The following RNF220 variants were observed in gnomAD, a reference collection of about 807,000 sequenced individuals.
RNF220 encodes the protein E3 ubiquitin-protein ligase RNF220.
Under a neutral mutation model 67.1 loss-of-function variants are expected in RNF220, and 7 were observed. That is an observed-to-expected ratio of 0.10 (90% confidence interval 0.06 to 0.20). The LOEUF (loss-of-function observed/expected upper bound fraction) is 0.20. RNF220 is among the 10% of genes least tolerant of loss of function. The pLI is 1.00. For missense variants in RNF220, 565 were observed against 740.3 expected, an observed-to-expected ratio of 0.76 and a Z score of 2.75; for synonymous variants, 270 against 283.2, an observed-to-expected ratio of 0.95 and a Z score of 0.47.
At chr1:44,609,138 C>A (rs775405359) in intron 2 of RNF220, among the ~76,000 whole-genome samples, 2 of 152,124 alleles carry the variant, frequency 1.3e-5, no homozygotes, top group African/African-American at 2.4e-5. Flanking sequence ...AAATGGAAGT[C>A]TTTCCATTGC....
In RNF220 at chr1:44,417,572, G is replaced by A. The variant is rs1648683051; in HGVS notation, c.625+4850G>A. 1.3e-5 allele frequency among the ~76,000 whole-genome samples: 2 copies of A among 152,114 alleles called. No homozygotes were observed. Among genetic ancestry groups the A allele is most frequent in the Admixed American group, 1.3e-4 (2 of 15,278 alleles). Reference sequence around the variant, plus strand: ...CTGTGCGGCGGCTGCCTCCTCTTACGGCCGGAATGCCTAATCACCATGGTG... The same window carrying A: ...CTGTGCGGCGGCTGCCTCCTCTTACAGCCGGAATGCCTAATCACCATGGTG... On this transcript the variant is annotated intron_variant, in intron 2 of 14. Coordinates refer to ENST00000361799, the MANE Select transcript of RNF220 (RefSeq NM_018150.4). This position sits in a 1 kb window ranked among gnomAD's most constrained non-coding sequence, Gnocchi z 4.0.
At chr1:44,520,214 G>A (rs2148153348) in intron 2 of RNF220, among the ~76,000 whole-genome samples, 1 of 151,826 alleles carries the variant, frequency 6.6e-6, no homozygotes, top group East Asian at 2.0e-4. Context: ...TGTAATCCCA[G>A]CACTTGGGGA....
chr1:44,632,400 G>GCCCCA lies in RNF220; in HGVS notation c.949+19_949+20insACCCC. On this transcript the variant is annotated intron_variant, in intron 6 of 14. Transcript: ENST00000361799. ...CCGACTGAATGGTGAGTCCTGCCCG[G>GCCCCA]CCCCTCCCTCCGCCCCACCCCCGGC... The GCCCCA allele has an allele frequency of 6.2e-7, 1 of 1,607,448 alleles. No individual in the cohort carries two copies. Among genetic ancestry groups the GCCCCA allele is most frequent in the Non-Finnish European group, 8.5e-7 (1 of 1,177,490 alleles).
intron 2 of RNF220, among the ~76,000 whole-genome samples, chr1:44,523,241 T>C (rs1477297161): frequency 1.3e-5 from 2 of 152,176 alleles, no homozygotes; most frequent in Non-Finnish European, 2.9e-5. Context: ...CGAGCACTCC[T>C]GCTTTAATGG....
chr1:44,570,068 TG>T (rs1331617264), intron 2 of RNF220, among the ~76,000 whole-genome samples: 5 of 152,176 alleles, frequency 3.3e-5, no homozygotes, highest in Non-Finnish European at 5.9e-5. Flanking sequence ...AAGGAGTTGC[TG>T]TTTTTCAGGT....
chr1:44,412,245 G>A lies in RNF220; in HGVS notation c.148G>A (p.Val50Ile). 1.2e-6 allele frequency: 2 copies of A among 1,614,194 alleles called. No homozygotes were observed. The highest frequency in any genetic ancestry group is 1.6e-4 in the Middle Eastern group (1 of 6,062). The change falls in exon 2 of 15, where the codon GTA becomes ATA. Residue 50 changes from valine to isoleucine, a missense_variant. By Grantham distance (29) the Val-to-Ile change is conservative (BLOSUM62 3). Transcript: ENST00000361799. The surrounding 1 kb of genome is among the most constrained non-coding windows in gnomAD (Gnocchi z 5.3). ...IPCQQPRPFGVPVSVDKDVHI... is the reference protein window; with the variant it reads ...IPCQQPRPFGIPVSVDKDVHI... ...TTGTCAGCAGCCACGACCCTTTGGTGTACCTGTCTCAGTTGACAAGGACGT... is the reference window on the plus strand; with the variant it reads ...TTGTCAGCAGCCACGACCCTTTGGTATACCTGTCTCAGTTGACAAGGACGT...
intron 2 of RNF220, among the ~76,000 whole-genome samples, chr1:44,427,824 A>G (rs1279744520): frequency 2.6e-5 from 4 of 152,240 alleles, no homozygotes; most frequent in African/African-American, 9.6e-5. Context: ...TGCCTCGCAC[A>G]AAGTATGCCT....
intron 2 of RNF220, among the ~76,000 whole-genome samples, chr1:44,443,251 T>G (rs948957748): frequency 2.0e-5 from 3 of 152,252 alleles, no homozygotes; most frequent in African/African-American, 7.2e-5. Flanking sequence ...TATTTTGATT[T>G]ATCATGCTAA....
intron 2 of RNF220, among the ~76,000 whole-genome samples, chr1:44,586,030 T>A (rs576932256): frequency 3.8e-4 from 58 of 152,326 alleles, no homozygotes; most frequent in Admixed American, 2.7e-3. Flanking sequence ...CATTGCCCTG[T>A]GCTATTTGGG....
At chr1:44,441,586 A>G (rs372109296) in intron 2 of RNF220, among the ~76,000 whole-genome samples, 1 of 152,220 alleles carries the variant, frequency 6.6e-6, no homozygotes, top group Non-Finnish European at 1.5e-5. Flanking sequence ...TTTTAAATGG[A>G]TGAGGAGGGA....
chr1:44,632,305 C>CT (rs1295730838), intron 5 of RNF220, 38 bp from the exon 6 acceptor site: 1 of 1,613,980 alleles, frequency 6.2e-7, no homozygotes. Context: ...CTGACGCTCT[C>CT]TTTTCTTTTC....
chr1:44,547,040 C>A (rs1445483447), intron 2 of RNF220, among the ~76,000 whole-genome samples: 6 of 152,204 alleles, frequency 3.9e-5, no homozygotes. Context: ...TGTTGTCACA[C>A]ATTGAGAGGG....
At position 44,600,982 on chromosome 1, in the gene RNF220, C is replaced by T. The variant is rs1284412917; in HGVS notation, c.626-13183C>T. 1.3e-5 allele frequency among the ~76,000 whole-genome samples: 2 copies of T among 152,192 alleles called. No homozygotes were observed. The highest frequency in any genetic ancestry group is 1.9e-4 in the East Asian group (1 of 5,198). On this transcript the variant is annotated intron_variant, in intron 2 of 14. Coordinates refer to ENST00000361799, the MANE Select transcript of RNF220 (RefSeq NM_018150.4). The surrounding 1 kb of genome is among the most constrained non-coding windows in gnomAD (Gnocchi z 4.0). ...CAAATATCTATATTACAGGCTCCCACAGCACTGTTGACCTCTTTTTGGTAC... is the reference window on the plus strand; with the variant it reads ...CAAATATCTATATTACAGGCTCCCATAGCACTGTTGACCTCTTTTTGGTAC...
chr1:44,647,443 G>GCATC (rs1463747743), intron 12 of RNF220, among the ~76,000 whole-genome samples: 2 of 152,154 alleles, frequency 1.3e-5, no homozygotes, highest in Non-Finnish European at 2.9e-5. Context: ...GAGGAGGGAA[G>GCATC]GGATGGTAAA....
Position 44,547,017 on chromosome 1 carries a change from A to G in RNF220, c.626-67148A>G, listed in dbSNP as rs866292414. On this transcript the variant is annotated intron_variant, in intron 2 of 14. Coordinates refer to ENST00000361799, the MANE Select transcript of RNF220 (RefSeq NM_018150.4). Reference sequence around the variant, plus strand: ...CAGGGCAGAAAGAAGGGAGAAGAAAACCAAGGTGTTCATGTTGTCACACAT... The same window carrying G: ...CAGGGCAGAAAGAAGGGAGAAGAAAGCCAAGGTGTTCATGTTGTCACACAT... 5.9e-5 allele frequency among the ~76,000 whole-genome samples: 9 copies of G among 152,298 alleles called. No individual in the cohort carries two copies. The Middle Eastern group carries it at 0.01, about 173-fold the overall frequency.
At chr1:44,595,806 C>T (rs1666438764) in intron 2 of RNF220, among the ~76,000 whole-genome samples, 1 of 151,958 alleles carries the variant, frequency 6.6e-6, no homozygotes, top group Admixed American at 6.6e-5. Flanking sequence ...CTCTGTCGCC[C>T]AGGCTGGAGT....
In RNF220 at chr1:44,650,795, C is replaced by T. The variant is rs1276522007; in HGVS notation, c.*20C>T. On this transcript the variant is annotated 3_prime_UTR_variant, in exon 15 of 15. Coordinates refer to ENST00000361799, the MANE Select transcript of RNF220 (RefSeq NM_018150.4). The surrounding 1 kb of genome is among the most constrained non-coding windows in gnomAD (Gnocchi z 4.3). ...TTGTGAGCTATCTGCCCCAGGCAGG[C>T]CTCGCCTCCAGCAGCCCCACCTGCC... is the stretch of plus-strand genomic sequence containing the variant. The T allele has an allele frequency of 1.9e-6, 3 of 1,611,512 alleles. No homozygotes were observed. The highest frequency in any genetic ancestry group is 2.5e-6 in the Non-Finnish European group (3 of 1,179,154).
chr1:44,594,617 C>T (rs1447459263), intron 2 of RNF220, among the ~76,000 whole-genome samples: 1 of 151,584 alleles, frequency 6.6e-6, no homozygotes, highest in Non-Finnish European at 1.5e-5. Context: ...TATTGCCCCA[C>T]CGCCCTGGCT....
chr1:44,450,459 G>A lies in RNF220; in HGVS notation c.625+37737G>A, dbSNP rs557365742. On this transcript the variant is annotated intron_variant, in intron 2 of 14. Coordinates refer to ENST00000361799, the MANE Select transcript of RNF220 (RefSeq NM_018150.4). ...CCCTTCCACAAACGTAAATAACTGC[G>A]CTGTTTACTGTTTAATAGGTACCCT... 8.5e-4 allele frequency among the ~76,000 whole-genome samples: 129 copies of A among 151,786 alleles called. 1 individual carries two copies. Among genetic ancestry groups the A allele is most frequent in the Non-Finnish European group, 7.6e-4 (52 of 67,974 alleles).
Sources: gnomAD v4.1 joint callset for allele counts (sites outside exome capture counted in the v4.1 genomes callset) on GRCh38, gnomAD v4.1.1 for gene constraint, Gnocchi (gnomAD v3.1) non-coding constraint, MANE v1.5 for transcripts, NCBI Gene and HGNC (gene_info 2026-07-23, HGNC 2026-07-21) for gene names.